CATSPERE: variants seen among roughly 807,000 people sequenced by gnomAD.
CATSPERE encodes cation channel sperm-associated auxiliary subunit epsilon.
A neutral mutation model predicts 114.1 loss-of-function variants in CATSPERE; 93 were observed. The ratio of observed to expected loss-of-function variants is 0.81; its 90% CI spans 0.69 to 0.97. The LOEUF is 0.97. Among genes scored for constraint, CATSPERE ranks in the 50% least tolerant of loss-of-function variants. The pLI is 0.00. For missense variants in CATSPERE, 1,058 were observed against 1,131.6 expected, an observed-to-expected ratio of 0.93 and a Z score of 0.93; for synonymous variants, 341 against 384.1, an observed-to-expected ratio of 0.89 and a Z score of 1.31.
At chr1:244,614,461 A>G (rs1047091409) in intron 19 of CATSPERE, among the ~76,000 whole-genome samples, 8 of 152,064 alleles carry the variant, frequency 5.3e-5, no homozygotes, top group Non-Finnish European at 1.2e-4. Context: ...GGTCCATACA[A>G]CTCTACGCAC....
At chr1:244,611,924 T>C (rs1670788991) in intron 19 of CATSPERE, among the ~76,000 whole-genome samples, 1 of 152,170 alleles carries the variant, frequency 6.6e-6, no homozygotes, top group African/African-American at 2.4e-5. Flanking sequence ...CCAAAAGACC[T>C]TGTTGAAATA....
chr1:244,461,398 C>G lies in CATSPERE; in HGVS notation c.-32C>G, dbSNP rs1385339967. 9 of 1,347,502 alleles carry G rather than the reference C, an allele frequency of 6.7e-6. No individual in the cohort carries two copies. The highest frequency in any genetic ancestry group is 8.6e-6 in the Non-Finnish European group (9 of 1,042,488). 83.5% of individuals were successfully genotyped at this position (1,347,502 alleles called of 1,614,324 possible). A position where few individuals can be genotyped will look rare whatever the true frequency, so the allele number is the denominator to read the frequency against. On this transcript the variant is annotated 5_prime_UTR_variant, in exon 1 of 22. Transcript: ENST00000366534. ...TGCGCGAGGCCTGGACGGGAGTGGC[C>G]GAGGCGGTTGGGCGGAGGCGGAGCA... is the stretch of plus-strand genomic sequence containing the variant.
Position 244,640,194 on chromosome 1 carries a change from A to AGTG in CATSPERE, c.*114_*115insTGG. On this transcript the variant is annotated 3_prime_UTR_variant, in exon 22 of 22. Coordinates refer to ENST00000366534, the MANE Select transcript of CATSPERE (RefSeq NM_001130957.2). Reference sequence around the variant, plus strand: ...GAAATACTAAATATAAGCTCGTAGTAGGCATCACCAAATTCAAGATCTGAA... The same window carrying AGTG: ...GAAATACTAAATATAAGCTCGTAGTAGTGGGCATCACCAAATTCAAGATCTGAA... 1.3e-6 allele frequency: 1 copy of AGTG among 769,154 alleles called. No homozygotes were observed. Among genetic ancestry groups the AGTG allele is most frequent in the South Asian group, 2.1e-5 (1 of 48,276 alleles). 47.6% of individuals were successfully genotyped at this position (769,154 alleles called of 1,614,324 possible). A position where few individuals can be genotyped will look rare whatever the true frequency, so the allele number is the denominator to read the frequency against.
intron 17 of CATSPERE, among the ~76,000 whole-genome samples, 169 bp from the exon 18 acceptor site, chr1:244,605,526 A>G (rs1207105819): frequency 6.6e-6 from 1 of 152,206 alleles, no homozygotes; most frequent in Non-Finnish European, 1.5e-5. Context: ...TTTACAGAAA[A>G]AAAAATCAAG....
At chr1:244,554,201 G>A (rs1426832498) in intron 9 of CATSPERE, among the ~76,000 whole-genome samples, 1 of 152,158 alleles carries the variant, frequency 6.6e-6, no homozygotes, top group Non-Finnish European at 1.5e-5. Flanking sequence ...ATACCCGGTA[G>A]TGGGAATGCT....
At chr1:244,532,342 C>T (rs3005950) in intron 8 of CATSPERE, among the ~76,000 whole-genome samples, 19,606 of 151,594 alleles carry the variant, frequency 0.13, 2,207 homozygotes, top group African/African-American at 0.3. Context: ...TCTTTTCTTC[C>T]ACTAATTTTG....
At position 244,498,984 on chromosome 1, in the gene CATSPERE, A is replaced by G. The variant is rs1220747417; in HGVS notation, c.352-18A>G. ...TTGTACAAAATGTAAAGAAATGCAA[A>G]CAAATTTTATTTTCTAGCTTATCAC... On this transcript the variant is annotated intron_variant, in intron 6 of 21. Coordinates refer to ENST00000366534, the MANE Select transcript of CATSPERE (RefSeq NM_001130957.2). 4 of 1,592,178 alleles carry G rather than the reference A, an allele frequency of 2.5e-6. No homozygotes were observed. The highest frequency in any genetic ancestry group is 3.4e-6 in the Non-Finnish European group (4 of 1,161,480).
intron 8 of CATSPERE, among the ~76,000 whole-genome samples, chr1:244,534,554 G>A (rs3005968): frequency 0.87 from 132,476 of 152,052 alleles, 58,641 homozygotes; most frequent in East Asian, 1. Flanking sequence ...GCTATTAAGA[G>A]ACTCCGATGC....
chr1:244,565,098 C>T (rs751616902), intron 10 of CATSPERE, among the ~76,000 whole-genome samples: 3 of 152,108 alleles, frequency 2.0e-5, no homozygotes, highest in Non-Finnish European at 2.9e-5. Context: ...GAGATGAAGC[C>T]GACTTGATCG....
At chr1:244,525,135 T>C (rs1678323820) in intron 8 of CATSPERE, among the ~76,000 whole-genome samples, 1 of 150,000 alleles carries the variant, frequency 6.7e-6, no homozygotes, top group Non-Finnish European at 1.5e-5. Context: ...GTGGCACATA[T>C]ACACCATGGA....
intron 7 of CATSPERE, 104 bp downstream of exon 7, chr1:244,499,183 C>A: frequency 1.4e-6 from 1 of 739,472 alleles, no homozygotes; most frequent in Non-Finnish European, 2.3e-6. Flanking sequence ...TTAAGCTGCC[C>A]ACACCTAACT....
Sources: allele counts gnomAD v4.1 joint callset (sites outside exome capture counted in the v4.1 genomes callset), GRCh38; gene constraint gnomAD v4.1.1; transcripts MANE v1.5; gene names NCBI Gene and HGNC (gene_info 2026-07-23, HGNC 2026-07-21).